Variants in ATAD2B observed in about 807,000 individuals in gnomAD.
ATAD2B encodes the protein ATPase family AAA domain-containing protein 2B.
A neutral mutation model predicts 167.6 loss-of-function variants in ATAD2B; 40 were observed. The ratio of observed to expected loss-of-function variants is 0.24; its 90% CI spans 0.19 to 0.31. The LOEUF (loss-of-function observed/expected upper bound fraction) is 0.31, where lower values mean the gene tolerates loss of function less well. ATAD2B is among the 10% of genes least tolerant of loss of function. The pLI is 1.00. For missense variants in ATAD2B, 1,242 were observed against 1,757.2 expected, an observed-to-expected ratio of 0.71 and a Z score of 5.24; for synonymous variants, 579 against 596.5, an observed-to-expected ratio of 0.97 and a Z score of 0.43.
At chr2:23,824,066 A>C (rs1050826216) in intron 15 of ATAD2B, among the ~76,000 whole-genome samples, 20 of 152,288 alleles carry the variant, frequency 1.3e-4, no homozygotes, top group African/African-American at 4.8e-4. Flanking sequence ...CTCCCACTTC[A>C]GCCTTCTGAG....
chr2:23,680,755 T>A, the ATAD2B span, among the ~76,000 whole-genome samples: 1 of 147,744 alleles, frequency 6.8e-6, no homozygotes. The surrounding 1 kb of genome is among the most constrained non-coding windows in gnomAD (Gnocchi z 4.1). Flanking sequence ...CTCTAGGCCA[T>A]CTTCTCCTGG....
chr2:23,907,843 C>A (rs1346865276), intron 1 of ATAD2B, among the ~76,000 whole-genome samples: 1 of 152,130 alleles, frequency 6.6e-6, no homozygotes, highest in Non-Finnish European at 1.5e-5. Context: ...CGCATATCTA[C>A]AATTATCTGA....
At chr2:23,681,817 G>C in the ATAD2B span, among the ~76,000 whole-genome samples, 1 of 152,156 alleles carries the variant, frequency 6.6e-6, no homozygotes, top group African/African-American at 2.4e-5. The surrounding 1 kb of genome is among the most constrained non-coding windows in gnomAD (Gnocchi z 4.2). Flanking sequence ...CTGGCTCGTG[G>C]TTTGGGCATT....
chr2:23,731,265 C>A, the ATAD2B span, among the ~76,000 whole-genome samples: 1 of 152,146 alleles, frequency 6.6e-6, no homozygotes, highest in African/African-American at 2.4e-5. Flanking sequence ...TTAATCTTAC[C>A]TTTCCTATGT....
chr2:23,773,392 T>G (rs1478061066), intron 22 of ATAD2B, among the ~76,000 whole-genome samples: 1 of 152,064 alleles, frequency 6.6e-6, no homozygotes, highest in African/African-American at 2.4e-5. Flanking sequence ...GTCCCGGCTA[T>G]TCAGGAGACT....
At chr2:23,709,871 T>C in the ATAD2B span, among the ~76,000 whole-genome samples, 1 of 152,234 alleles carries the variant, frequency 6.6e-6, no homozygotes, top group Non-Finnish European at 1.5e-5. Context: ...TTTTCCTGTC[T>C]ACCTCATTTC....
At chr2:23,681,415 G>A in the ATAD2B span, among the ~76,000 whole-genome samples, 3 of 152,190 alleles carry the variant, frequency 2.0e-5, no homozygotes, top group Non-Finnish European at 2.9e-5. The surrounding 1 kb of genome is among the most constrained non-coding windows in gnomAD (Gnocchi z 4.2). Context: ...AAGGTGTCAC[G>A]GCCGGGGCTG....
intron 27 of ATAD2B, among the ~76,000 whole-genome samples, chr2:23,753,971 A>G (rs576775541): frequency 2.7e-4 from 41 of 152,320 alleles, no homozygotes; most frequent in African/African-American, 9.9e-4. Context: ...AAGGAACCCC[A>G]GATTACTTCT....
At chr2:23,679,444 T>C in the ATAD2B span, among the ~76,000 whole-genome samples, 5,002 of 152,268 alleles carry the variant, frequency 0.033, 103 homozygotes, top group South Asian at 0.09. Context: ...TGAGTGAAAG[T>C]GAGCAAAGCT....
chr2:23,916,811 T>C (rs757958425), intron 1 of ATAD2B, among the ~76,000 whole-genome samples: 1 of 152,164 alleles, frequency 6.6e-6, no homozygotes, highest in Non-Finnish European at 1.5e-5. Context: ...GAAGTGAGCC[T>C]GGAAACAGCA....
the ATAD2B span, among the ~76,000 whole-genome samples, chr2:23,739,897 C>T: frequency 6.6e-6 from 1 of 152,182 alleles, no homozygotes; most frequent in African/African-American, 2.4e-5. Flanking sequence ...GAAATACAAA[C>T]TACCATCAGA....
intron 13 of ATAD2B, among the ~76,000 whole-genome samples, chr2:23,849,514 A>G (rs1692224235): frequency 6.6e-6 from 1 of 152,228 alleles, no homozygotes; most frequent in Non-Finnish European, 1.5e-5. Context: ...TGCAATCAAT[A>G]GAATTAGACC....
chr2:23,821,138 G>A (rs1479107039), intron 16 of ATAD2B, among the ~76,000 whole-genome samples: 1 of 151,952 alleles, frequency 6.6e-6, no homozygotes, highest in African/African-American at 2.4e-5. Flanking sequence ...ATAAAATTTG[G>A]TTGCTCTTCT....
intron 1 of ATAD2B, among the ~76,000 whole-genome samples, chr2:23,924,929 T>C (rs1000531284): frequency 1.3e-5 from 2 of 152,172 alleles, no homozygotes; most frequent in Non-Finnish European, 2.9e-5. Flanking sequence ...AATTCAAAAA[T>C]GGGACCACAA....
At chr2:23,730,864 A>G in the ATAD2B span, among the ~76,000 whole-genome samples, 1 of 151,828 alleles carries the variant, frequency 6.6e-6, no homozygotes, top group Non-Finnish European at 1.5e-5. Context: ...AAATCAGAAA[A>G]TAAAAGTAAC....
At position 23,754,699 on chromosome 2, in the gene ATAD2B, T is replaced by C; in HGVS notation, c.4154A>G (p.Glu1385Gly). Reference protein sequence around the residue: ...AKTTSLELVPEEPSEPVPPLI... With the variant: ...AKTTSLELVPGEPSEPVPPLI... ...AGGAGGCACAGGCTCAGATGGCTCTTCTGGAACCAGTTCCAGGCTTGTCGT... is the reference window on the plus strand; with the variant it reads ...AGGAGGCACAGGCTCAGATGGCTCTCCTGGAACCAGTTCCAGGCTTGTCGT... Residue 1385 changes from glutamate (E) to glycine (G), a missense_variant, in exon 26 of 28, where the codon GAA (glutamate) becomes GGA (glycine). Glu to Gly is a moderately conservative substitution (Grantham distance 98, BLOSUM62 -2). This residue lies in a region of ATAD2B where 282 missense variants were observed against 346.8 expected (regional missense o/e 0.81). Coordinates refer to ENST00000238789, the MANE Select transcript of ATAD2B (RefSeq NM_017552.4). The C allele has an allele frequency of 1.9e-6, 3 of 1,613,096 alleles. No individual in the cohort carries two copies. Among genetic ancestry groups the C allele is most frequent in the Non-Finnish European group, 2.5e-6 (3 of 1,179,274 alleles).
intron 13 of ATAD2B, among the ~76,000 whole-genome samples, chr2:23,848,071 C>T (rs766153842): frequency 1.3e-5 from 2 of 150,360 alleles, no homozygotes; most frequent in East Asian, 1.9e-4. Flanking sequence ...CTGTAAGAAA[C>T]GTATACATAA....
At chr2:23,717,130 C>T in the ATAD2B span, among the ~76,000 whole-genome samples, 1 of 152,202 alleles carries the variant, frequency 6.6e-6, no homozygotes, top group African/African-American at 2.4e-5. Flanking sequence ...AGTAAAGACT[C>T]CCTGGAACTC....
At chr2:23,814,781 G>A (rs558993276) in intron 17 of ATAD2B, among the ~76,000 whole-genome samples, 2 of 152,136 alleles carry the variant, frequency 1.3e-5, no homozygotes, top group Non-Finnish European at 2.9e-5. Flanking sequence ...GTGGCCTGGC[G>A]CAGTGTCTCA....
Sources: gnomAD v4.1 joint callset for allele counts (sites outside exome capture counted in the v4.1 genomes callset) on GRCh38, gnomAD v4.1.1 for gene constraint, gnomAD v4.1.1 regional missense constraint, Gnocchi (gnomAD v3.1) non-coding constraint, MANE v1.5 for transcripts, NCBI Gene and HGNC (gene_info 2026-07-23, HGNC 2026-07-21) for gene names.